The following GSE1 variants were observed in gnomAD, a reference collection of about 807,000 sequenced individuals.
The protein encoded by GSE1 is genetic suppressor element 1.
A neutral mutation model predicts 112.6 loss-of-function variants in GSE1; 32 were observed. The observed-to-expected ratio is 0.28, with a 90% confidence interval of 0.21 to 0.38. The LOEUF is 0.38. Ranked by LOEUF, GSE1 falls within the 10% of genes least tolerant of loss-of-function variation. The pLI, the probability that GSE1 is intolerant of heterozygous loss-of-function variation, is 1.00. For missense variants in GSE1, 2,348 were observed against 1,699.2 expected (o/e 1.38, Z -6.71); for synonymous variants, 1,115 against 735.6 (o/e 1.52, Z -8.35).
exon 1 of GSE1, chr16:85,171,525 C>G (rs1213030959): frequency 1.0e-6 from 1 of 985,478 alleles, no homozygotes; most frequent in Non-Finnish European, 1.2e-6. Flanking sequence ...GCAGCTCCCA[C>G]CACGCTGTCA....
chr16:85,661,895 T>G lies in GSE1; in HGVS notation c.2260+130T>G, dbSNP rs73253236. 8.2e-4 allele frequency: 732 copies of G among 897,596 alleles called. 5 individuals are homozygous for G. In the African/African-American group the frequency reaches 0.011, roughly 14 times the overall value. 55.6% of individuals were successfully genotyped at this position (897,596 alleles called of 1,614,324 possible). A position where few individuals can be genotyped will look rare whatever the true frequency, so the allele number is the denominator to read the frequency against. On this transcript the variant is annotated intron_variant, in intron 9 of 15. Coordinates refer to ENST00000253458, the MANE Select transcript of GSE1 (RefSeq NM_014615.5). ...GCCTGGGGTAGTCCCAGGCCCCAGG[T>G]GGCAAGTGCACTGGCTTCTTTGTAG...
At chr16:85,466,198 C>T (rs1232923622) in intron 2 of GSE1, among the ~76,000 whole-genome samples, 3 of 152,244 alleles carry the variant, frequency 2.0e-5, no homozygotes, top group Non-Finnish European at 4.4e-5. Context: ...GTCGTGGTAA[C>T]CTGGCTGCCT....
intron 1 of GSE1, among the ~76,000 whole-genome samples, chr16:85,355,154 C>T (rs1567708279): frequency 6.6e-6 from 1 of 152,090 alleles, no homozygotes; most frequent in Non-Finnish European, 1.5e-5. Context: ...GTGGGGCCTG[C>T]GCTTGCCCGA....
chr16:85,572,161 C>T (rs2046015026), intron 1 of GSE1, among the ~76,000 whole-genome samples: 1 of 148,520 alleles, frequency 6.7e-6, no homozygotes, highest in South Asian at 2.2e-4. Context: ...ACCACACACA[C>T]ACTGAATACT....
intron 2 of GSE1, among the ~76,000 whole-genome samples, chr16:85,642,353 T>C (rs1451137283): frequency 6.6e-6 from 1 of 152,204 alleles, no homozygotes; most frequent in East Asian, 1.9e-4. Context: ...AAACACTAAC[T>C]TGGGGACAGA....
chr16:85,663,514 C>G lies in GSE1; in HGVS notation c.2544C>G (p.Arg848=), dbSNP rs551410699. Residue 848 remains arginine (R), a synonymous_variant, in exon 11 of 16, where the codon CGC becomes CGG. Transcript: ENST00000253458. ...CACCGAGACTGGCGCTGTCTACCCG[C>G]TACAGCCCTGATGAGATGAACAACA... ...TPSPRLALST[R]YSPDEMNNSP... is the part of the protein sequence containing the mutation. The G allele has an allele frequency of 6.2e-6, 10 of 1,613,924 alleles. No individual in the cohort carries two copies. The highest frequency in any genetic ancestry group is 8.5e-6 in the Non-Finnish European group (10 of 1,179,984).
chr16:85,401,904 C>G (rs1567737851), intron 2 of GSE1, among the ~76,000 whole-genome samples: 2 of 152,238 alleles, frequency 1.3e-5, no homozygotes, highest in African/African-American at 4.8e-5. Context: ...GTGCTGGTTA[C>G]TGGGCAGCCC....
At chr16:85,261,461 C>T (rs925499641) in intron 1 of GSE1, among the ~76,000 whole-genome samples, 1 of 152,224 alleles carries the variant, frequency 6.6e-6, no homozygotes, top group South Asian at 2.1e-4. Context: ...CCCCTTATCC[C>T]GCAGAGGAGG....
At chr16:85,348,329 G>A (rs1177934283) in intron 1 of GSE1, among the ~76,000 whole-genome samples, 1 of 130,788 alleles carries the variant, frequency 7.6e-6, no homozygotes, top group East Asian at 1.9e-4. Flanking sequence ...TCCATCCACT[G>A]CCTATCCATC....
chr16:85,305,315 GTC>G (rs2045647666), intron 1 of GSE1, among the ~76,000 whole-genome samples: 2 of 152,326 alleles, frequency 1.3e-5, no homozygotes, highest in South Asian at 4.1e-4. Context: ...TGGAGGTGGG[GTC>G]TCTGTTGCCG....
chr16:85,310,919 G>C (rs1226069840), intron 1 of GSE1, among the ~76,000 whole-genome samples: 9 of 152,156 alleles, frequency 5.9e-5, no homozygotes, highest in Non-Finnish European at 1.3e-4. Flanking sequence ...ATGGAGGGGG[G>C]CACCCACAGG....
At chr16:85,379,123 A>G (rs1323019870) in intron 2 of GSE1, among the ~76,000 whole-genome samples, 3 of 152,074 alleles carry the variant, frequency 2.0e-5, no homozygotes, top group Admixed American at 6.5e-5. Context: ...GAGAGCTGCT[A>G]TCTCCCTGGA....
intron 3 of GSE1, 140 bp downstream of exon 3, chr16:85,648,891 C>G (rs2051103137): frequency 1.9e-6 from 1 of 527,224 alleles, no homozygotes; most frequent in Non-Finnish European, 3.3e-6. Context: ...CCGTCTCCTT[C>G]TCTGCAACGT....
At chr16:85,484,946 C>A (rs1219349979) in intron 2 of GSE1, among the ~76,000 whole-genome samples, 1 of 152,184 alleles carries the variant, frequency 6.6e-6, no homozygotes, top group Non-Finnish European at 1.5e-5. Flanking sequence ...CCGAATCTAG[C>A]CTGAGGAACC....
intron 1 of GSE1, among the ~76,000 whole-genome samples, chr16:85,616,210 C>G (rs1265122724): frequency 1.3e-5 from 2 of 152,232 alleles, no homozygotes; most frequent in Non-Finnish European, 2.9e-5. Flanking sequence ...CCCTTGAGCC[C>G]CTGGAGCAGG....
chr16:85,617,613 T>G (rs7188152), intron 1 of GSE1, among the ~76,000 whole-genome samples: 61,455 of 70,606 alleles, frequency 0.87, 26,354 homozygotes, highest in African/African-American at 0.95. Context: ...CCCCCCCCCG[T>G]TAACTGCCAC....
At chr16:85,298,497 C>T (rs565641317) in intron 1 of GSE1, among the ~76,000 whole-genome samples, 13 of 152,198 alleles carry the variant, frequency 8.5e-5, no homozygotes, top group South Asian at 2.1e-4. Flanking sequence ...GCACGATCTC[C>T]GCTCACTGCA....
chr16:85,526,963 G>T (rs1318517618), intron 2 of GSE1, among the ~76,000 whole-genome samples: 1 of 152,222 alleles, frequency 6.6e-6, no homozygotes, highest in Non-Finnish European at 1.5e-5. Flanking sequence ...CAGCAATATG[G>T]ATGTTAAATT....
intron 2 of GSE1, among the ~76,000 whole-genome samples, chr16:85,437,620 T>C (rs2049280816): frequency 1.3e-5 from 2 of 152,092 alleles, no homozygotes; most frequent in South Asian, 4.1e-4. Context: ...GGAAGGGATC[T>C]GGGCTGGAGC....
Sources: gnomAD v4.1 joint callset for allele counts (sites outside exome capture counted in the v4.1 genomes callset) on GRCh38, gnomAD v4.1.1 for gene constraint, MANE v1.5 for transcripts, NCBI Gene and HGNC (gene_info 2026-07-23, HGNC 2026-07-21) for gene names.